Variants in MECOM observed in about 807,000 individuals in gnomAD.
MECOM encodes the protein histone-lysine N-methyltransferase MECOM.
A neutral mutation model predicts 116.3 loss-of-function variants in MECOM; 13 were observed. The ratio of observed to expected loss-of-function variants is 0.11; its 90% confidence interval spans 0.07 to 0.18. The LOEUF is 0.18. Among genes scored for constraint, MECOM ranks in the 10% least tolerant of loss-of-function variants. The pLI, the probability that MECOM is intolerant of heterozygous loss-of-function variation, is 1.00. For missense variants in MECOM, 1,299 were observed against 1,509.0 expected, an observed-to-expected ratio of 0.86 and a Z score of 2.31; for synonymous variants, 528 against 535.2, an observed-to-expected ratio of 0.99 and a Z score of 0.19.
At chr3:169,451,102 T>C (rs370999566) in intron 1 of MECOM, among the ~76,000 whole-genome samples, 10 of 152,270 alleles carry the variant, frequency 6.6e-5, no homozygotes, top group African/African-American at 2.2e-4. Flanking sequence ...ACCCTACACA[T>C]AATTCAACAA....
At chr3:169,166,325 G>A (rs557706567) in intron 2 of MECOM, among the ~76,000 whole-genome samples, 10 of 152,142 alleles carry the variant, frequency 6.6e-5, no homozygotes, top group Non-Finnish European at 1.2e-4. Flanking sequence ...CAGGACTCTA[G>A]CCTTCTCAAA....
chr3:169,480,741 C>G (rs929133746), intron 1 of MECOM, among the ~76,000 whole-genome samples: 1 of 152,044 alleles, frequency 6.6e-6, no homozygotes, highest in African/African-American at 2.4e-5. Context: ...GTTTCTGAGC[C>G]ACATCCTAGA....
rs181143858 is a variant in MECOM, at chr3:169,262,110, C to T, written c.376-118278G>A. Among the ~76,000 whole-genome samples, 219 of 152,326 alleles carry T rather than the reference C, an allele frequency of 1.4e-3. 1 individual carries two copies. The highest frequency in any genetic ancestry group is 1.4e-3 in the Admixed American group (22 of 15,300). ...GACACGAGCCAAGAAAAATTAGCTGCTCTCAATGAGCTTACATTCTGACTT... is the reference window on the plus strand; with the variant it reads ...GACACGAGCCAAGAAAAATTAGCTGTTCTCAATGAGCTTACATTCTGACTT... On this transcript the variant is annotated intron_variant, in intron 2 of 16. Transcript: ENST00000651503.
chr3:169,116,863 A>T, intron 7 of MECOM, 124 bp from the exon 8 acceptor site: 1 of 1,225,788 alleles, frequency 8.2e-7, no homozygotes, highest in Admixed American at 2.9e-5. Flanking sequence ...TGGAGGCACC[A>T]ATCTGGGTGC....
At chr3:169,352,973 C>G (rs1157067888) in intron 2 of MECOM, among the ~76,000 whole-genome samples, 2 of 151,848 alleles carry the variant, frequency 1.3e-5, no homozygotes, top group South Asian at 2.1e-4. Context: ...CTGTCTGGAC[C>G]AAAACTATGC....
rs1764673523 is a variant in MECOM at position 169,577,633 on chromosome 3, T to G, written c.37+85703A>C. Among the ~76,000 whole-genome samples the G allele has an allele frequency of 1.3e-5, 2 of 152,132 alleles. 1 individual carries two copies. The highest frequency in any genetic ancestry group is 4.1e-4 in the South Asian group (2 of 4,824). Reference sequence around the variant, plus strand: ...GTTAAATGAATGAATGAATGAATGATCCGACAGTGCCTAGAAGCTCAAATA... The same window carrying G: ...GTTAAATGAATGAATGAATGAATGAGCCGACAGTGCCTAGAAGCTCAAATA... On this transcript the variant is annotated intron_variant, in intron 1 of 16. Transcript: ENST00000651503.
At chr3:169,465,600 T>C (rs1024550385) in intron 1 of MECOM, among the ~76,000 whole-genome samples, 20 of 152,216 alleles carry the variant, frequency 1.3e-4, no homozygotes, top group Non-Finnish European at 2.9e-4. Context: ...TCGACATCCA[T>C]TTTAACATAA....
At chr3:169,333,847 GCCTTCCTTCCTTCTTT>G (rs889922861) in intron 2 of MECOM, among the ~76,000 whole-genome samples, 9 of 120,514 alleles carry the variant, frequency 7.5e-5, no homozygotes, top group Admixed American at 2.0e-4. Flanking sequence ...CTACCTCCCC[GCCTTCCTTCCTTCTTT>G]CCTTCCTTCC....
In MECOM at chr3:169,481,578, T is replaced by TA. The variant is rs144666569; in HGVS notation, c.38-100055dup. ...AAATAAATAAATAAATACTTAAAAA[T>TA]AAAAAAAAAACTAAAAACTTTTCAC... On this transcript the variant is annotated intron_variant, in intron 1 of 16. Coordinates refer to ENST00000651503, the MANE Select transcript of MECOM (RefSeq NM_004991.4). Among the ~76,000 whole-genome samples the TA allele has an allele frequency of 4.2e-3, 623 of 147,976 alleles. 8 individuals carry two copies. The highest frequency in any genetic ancestry group is 0.014 in the African/African-American group (553 of 40,530).
chr3:169,548,775 T>A (rs934016864), intron 1 of MECOM, among the ~76,000 whole-genome samples: 5 of 152,216 alleles, frequency 3.3e-5, no homozygotes, highest in African/African-American at 1.2e-4. Flanking sequence ...GTGTGATTAA[T>A]TAAGCTCTGT....
intron 1 of MECOM, among the ~76,000 whole-genome samples, chr3:169,501,736 T>C (rs1754564020): frequency 6.6e-6 from 1 of 152,108 alleles, no homozygotes; most frequent in Non-Finnish European, 1.5e-5. Flanking sequence ...TTGGCTCTCA[T>C]TCATGTTAGC....
chr3:169,472,373 C>CTGGGCAATCTCTAAATCTGGG (rs1749408982), intron 1 of MECOM, among the ~76,000 whole-genome samples: 2 of 142,724 alleles, frequency 1.4e-5, no homozygotes, highest in Non-Finnish European at 3.0e-5. Flanking sequence ...ATAGTGAGAC[C>CTGGGCAATCTCTAAATCTGGG]CCATCTCTAA....
chr3:169,546,856 G>A (rs992603624), intron 1 of MECOM, among the ~76,000 whole-genome samples: 1 of 152,164 alleles, frequency 6.6e-6, no homozygotes. Flanking sequence ...AATCCAAAGG[G>A]GGTTCCTAGA....
chr3:169,246,317 A>G (rs1032332267), intron 2 of MECOM, among the ~76,000 whole-genome samples: 1 of 152,166 alleles, frequency 6.6e-6, no homozygotes, highest in African/African-American at 2.4e-5. Flanking sequence ...CAGGAAGACT[A>G]TATTTGCACA....
chr3:169,489,908 A>G (rs1469561639), intron 1 of MECOM, among the ~76,000 whole-genome samples: 1 of 152,214 alleles, frequency 6.6e-6, no homozygotes, highest in African/African-American at 2.4e-5. Context: ...TACTTCAAAA[A>G]TAGAAATTCC....
intron 2 of MECOM, among the ~76,000 whole-genome samples, chr3:169,204,206 C>A (rs1217207553): frequency 6.6e-6 from 1 of 152,140 alleles, no homozygotes; most frequent in Non-Finnish European, 1.5e-5. Context: ...CAAATTGCTG[C>A]CATTACCAAG....
At chr3:169,241,888 T>A (rs1397916890) in intron 2 of MECOM, among the ~76,000 whole-genome samples, 3 of 152,230 alleles carry the variant, frequency 2.0e-5, no homozygotes, top group Admixed American at 6.5e-5. Context: ...AAATTGGTGA[T>A]ATTAAAATTT....
chr3:169,378,107 G>A (rs1344096393), intron 2 of MECOM, among the ~76,000 whole-genome samples: 1 of 151,704 alleles, frequency 6.6e-6, no homozygotes, highest in Non-Finnish European at 1.5e-5. Context: ...TCATTCATAA[G>A]TGGGAGTTGA....
At chr3:169,125,856 A>T (rs1448768452) in intron 5 of MECOM, among the ~76,000 whole-genome samples, 1 of 151,966 alleles carries the variant, frequency 6.6e-6, no homozygotes, top group Non-Finnish European at 1.5e-5. Flanking sequence ...TTCTTTTCTC[A>T]AGATTTTACA....
Sources: allele counts gnomAD v4.1 joint callset (sites outside exome capture counted in the v4.1 genomes callset), GRCh38; gene constraint gnomAD v4.1.1; transcripts MANE v1.5; gene names NCBI Gene and HGNC (gene_info 2026-07-23, HGNC 2026-07-21).